The following EIF2D variants were observed in gnomAD, a reference collection of about 807,000 sequenced individuals.
The protein encoded by EIF2D is eukaryotic translation initiation factor 2D, also known as hepatocellular carcinoma-associated antigen 56.
In EIF2D, 56 loss-of-function variants were observed where a neutral mutation model predicts 77.4. The observed-to-expected ratio is 0.72, with a 90% confidence interval of 0.58 to 0.90. The LOEUF (loss-of-function observed/expected upper bound fraction) is 0.90, where lower values mean the gene tolerates loss of function less well. EIF2D is among the 40% of genes least tolerant of loss of function. The probability of loss-of-function intolerance (pLI) is 0.00; values close to 1 mark genes in which losing one functional copy is unlikely to be tolerated. For missense variants in EIF2D, 574 were observed against 706.5 expected, an observed-to-expected ratio of 0.81 and a Z score of 2.13; for synonymous variants, 230 against 271.0, an observed-to-expected ratio of 0.85 and a Z score of 1.49.
intron 2 of EIF2D, chr1:206,585,361 G>A (rs552187846): frequency 1.7e-6 from 2 of 1,158,204 alleles, no homozygotes; most frequent in African/African-American, 1.5e-5. Flanking sequence ...GGTGGGTGTT[G>A]TCCTAACTAC....
In EIF2D at chr1:206,592,994, C is replaced by T. The variant is rs781926048; in HGVS notation, c.1684+625G>A. On this transcript the variant is annotated intron_variant, in intron 14 of 14. Coordinates refer to ENST00000271764, the MANE Select transcript of EIF2D (RefSeq NM_006893.3). The surrounding 1 kb of genome is among the most constrained non-coding windows in gnomAD (Gnocchi z 4.7). ...GCATGCGCCTATAATCCCAGCTACTCGGGAGGCTGAGGCAGGGGAATGACT... is the reference window on the plus strand; with the variant it reads ...GCATGCGCCTATAATCCCAGCTACTTGGGAGGCTGAGGCAGGGGAATGACT... Among the ~76,000 whole-genome samples, 7 of 151,892 alleles carry T rather than the reference C, an allele frequency of 4.6e-5. No individual in the cohort carries two copies. The highest frequency in any genetic ancestry group is 7.4e-5 in the Non-Finnish European group (5 of 67,984).
chr1:206,585,334 C>A, intron 2 of EIF2D: 1 of 1,498,422 alleles, frequency 6.7e-7, no homozygotes, highest in Non-Finnish European at 9.3e-7. Context: ...GGCCTTAGGG[C>A]ACCCTGGGTG....
chr1:206,581,287 C>T (rs544866236), intron 2 of EIF2D: 149 of 152,680 alleles, frequency 9.8e-4, no homozygotes, highest in Admixed American at 1.4e-3. Flanking sequence ...GGCCAGGGAA[C>T]GATGCCATGA....
intron 4 of EIF2D, among the ~76,000 whole-genome samples, chr1:206,575,446 G>A (rs1217173046): frequency 2.0e-5 from 3 of 152,188 alleles, no homozygotes; most frequent in Admixed American, 6.5e-5. Context: ...TTAAGAATGC[G>A]TAGACCGGCT....
At chr1:206,603,358 G>A (rs1670026521) in intron 5 of EIF2D, 154 bp from the exon 6 acceptor site, 12 of 989,486 alleles carry the variant, frequency 1.2e-5, no homozygotes, top group East Asian at 2.6e-5. Flanking sequence ...CATCTCAAGC[G>A]TACTTTCAAT....
At chr1:206,578,073 A>AT (rs201060349) in intron 4 of EIF2D, among the ~76,000 whole-genome samples, 1,522 of 151,624 alleles carry the variant, frequency 0.01, 23 homozygotes, top group South Asian at 0.064. Context: ...AAAAAATAAA[A>AT]AAAATTAGCC....
Position 206,584,332 on chromosome 1 carries a change from T to G in EIF2D, c.139-3170A>C. ...TGGGGCAATGGCCCCGAGTGGCAGA[T>G]ATGATCATGCAAGGCGGACGGCCCT... is the stretch of plus-strand genomic sequence containing the variant. On this transcript the variant is annotated intron_variant and NMD_transcript_variant, in intron 2 of 5. Transcript: ENST00000472709. The surrounding 1 kb of genome is among the most constrained non-coding windows in gnomAD (Gnocchi z 4.9). 1 of 1,535,208 alleles carries G rather than the reference T, an allele frequency of 6.5e-7. No individual in the cohort carries two copies. The highest frequency in any genetic ancestry group is 8.8e-7 in the Non-Finnish European group (1 of 1,134,566).
intron 4 of EIF2D, 96 bp downstream of exon 4, chr1:206,608,140 A>C: frequency 8.4e-7 from 1 of 1,192,984 alleles, no homozygotes; most frequent in Non-Finnish European, 1.2e-6. Context: ...TTTTGCTTTC[A>C]CTCTTTTGTT....
chr1:206,591,096 G>A (rs951085827), downstream of EIF2D, among the ~76,000 whole-genome samples: 5 of 152,160 alleles, frequency 3.3e-5, no homozygotes, highest in Non-Finnish European at 5.9e-5. Flanking sequence ...TGACCTCCAC[G>A]TTAAGAAGTT....
chr1:206,605,459 G>A lies in EIF2D; in HGVS notation c.471C>T (p.Leu157=), dbSNP rs781860869. Residue 157 remains leucine, a synonymous_variant, in exon 5 of 15, where the codon CTC becomes CTT. Coordinates refer to ENST00000271764, the MANE Select transcript of EIF2D (RefSeq NM_006893.3). The part of the protein sequence containing the change: ...GVAAMSTAEM[L]TSGLKGRGFS... ...AGCCCCTTCCCTTCAGGCCTGACGT[G>A]AGCATCTCAGCTGTGGACATGGCTG... is the stretch of plus-strand genomic sequence containing the variant. 58 of 1,614,020 alleles carry A rather than the reference G, an allele frequency of 3.6e-5. No individual in the cohort carries two copies. Among genetic ancestry groups the A allele is most frequent in the Non-Finnish European group, 4.7e-5 (55 of 1,180,028 alleles).
In EIF2D at chr1:206,591,757, G is replaced by T; in HGVS notation, c.*18C>A. ...CTTGGATTTCCACCGGATCCACCACGTGAGACAAAAGAGTCTGTCACTTCT... is the reference window on the plus strand; with the variant it reads ...CTTGGATTTCCACCGGATCCACCACTTGAGACAAAAGAGTCTGTCACTTCT... On this transcript the variant is annotated 3_prime_UTR_variant, in exon 15 of 15. Coordinates refer to ENST00000271764, the MANE Select transcript of EIF2D (RefSeq NM_006893.3). 1 of 1,613,208 alleles carries T rather than the reference G, an allele frequency of 6.2e-7. No homozygotes were observed. The highest frequency in any genetic ancestry group is 1.1e-5 in the South Asian group (1 of 91,064).
At chr1:206,605,238 GA>G (rs1290151069) in intron 5 of EIF2D, 161 bp downstream of exon 5, 9 of 517,480 alleles carry the variant, frequency 1.7e-5, no homozygotes, top group Admixed American at 6.9e-5. Context: ...CCAAACAGGG[GA>G]AAAAAATATT....
At chr1:206,573,750 G>A (rs1396177408) in intron 4 of EIF2D, among the ~76,000 whole-genome samples, 1 of 152,276 alleles carries the variant, frequency 6.6e-6, no homozygotes, top group Non-Finnish European at 1.5e-5. Flanking sequence ...GCTCACGCCT[G>A]TAATCCCAGC....
chr1:206,591,670 TA>T lies in EIF2D; in HGVS notation c.*104del. The T allele has an allele frequency of 9.7e-7, 1 of 1,035,872 alleles. No individual in the cohort carries two copies. The highest frequency in any genetic ancestry group is 1.5e-6 in the Non-Finnish European group (1 of 682,020). The allele number at this position is 1,035,872 out of a possible 1,614,324, so 64.2% of individuals were successfully genotyped here. A position where few individuals can be genotyped will look rare whatever the true frequency, so the allele number is the denominator to read the frequency against. On this transcript the variant is annotated 3_prime_UTR_variant, in exon 15 of 15. Transcript: ENST00000271764. ...AGATTAGAATAAAAATTTATTTTTG[TA>T]AAGAATTATATTTTGTATTTGCAAA...
intron 4 of EIF2D, among the ~76,000 whole-genome samples, chr1:206,607,480 T>C (rs986672546): frequency 1.3e-5 from 2 of 152,218 alleles, no homozygotes; most frequent in African/African-American, 4.8e-5. Flanking sequence ...CATTGGAGGC[T>C]AGACGTAGTG....
At chr1:206,600,193 C>A in intron 8 of EIF2D, 70 bp downstream of exon 8, 1 of 1,460,812 alleles carries the variant, frequency 6.8e-7, no homozygotes, top group Non-Finnish European at 9.5e-7. Flanking sequence ...CCCCAGCATC[C>A]ATCTGGCTTA....
chr1:206,583,827 G>C (rs1668991414), intron 2 of EIF2D: 1 of 186,246 alleles, frequency 5.4e-6, no homozygotes, highest in African/African-American at 2.4e-5. Flanking sequence ...TCTTCAATAG[G>C]GAGGGGAGAA....
At chr1:206,582,543 C>T (rs1476699889) in intron 2 of EIF2D, among the ~76,000 whole-genome samples, 2 of 152,218 alleles carry the variant, frequency 1.3e-5, no homozygotes, top group African/African-American at 4.8e-5. Flanking sequence ...AAGTACTTGG[C>T]ACAGAAGAAG....
In EIF2D at chr1:206,599,109, G is replaced by A; in HGVS notation, c.1203-17C>T. ...CTCCCCTTCCTAGGTGAGGAGAAGT[G>A]ACCCAGGGGTTAGTTCATGCTGTGC... On this transcript the variant is annotated splice_polypyrimidine_tract_variant and intron_variant, in intron 10 of 14. Transcript: ENST00000271764. This position sits in a 1 kb window ranked among gnomAD's most constrained non-coding sequence, Gnocchi z 4.1. 6.2e-7 allele frequency: 1 copy of A among 1,612,032 alleles called. No homozygotes were observed. The highest frequency in any genetic ancestry group is 8.5e-7 in the Non-Finnish European group (1 of 1,178,194).
Sources: allele counts gnomAD v4.1 joint callset (sites outside exome capture counted in the v4.1 genomes callset), GRCh38; gene constraint gnomAD v4.1.1; non-coding constraint Gnocchi (gnomAD v3.1); transcripts MANE v1.5; gene names NCBI Gene and HGNC (gene_info 2026-07-23, HGNC 2026-07-21).